The following MAPKBP1 variants were observed in gnomAD, a reference collection of about 807,000 sequenced individuals.
MAPKBP1 encodes mitogen-activated protein kinase binding protein 1.
A neutral mutation model predicts 170.5 loss-of-function variants in MAPKBP1; 71 were observed. The ratio of observed to expected loss-of-function variants is 0.42; its 90% CI spans 0.34 to 0.51. The LOEUF (loss-of-function observed/expected upper bound fraction) is 0.51, where lower values mean the gene tolerates loss of function less well. Ranked by LOEUF, MAPKBP1 falls within the 20% of genes least tolerant of loss-of-function variation. The probability of loss-of-function intolerance (pLI) is 0.06; values close to 1 mark genes in which losing one functional copy is unlikely to be tolerated. For synonymous variants in MAPKBP1, 719 were observed against 757.9 expected (o/e 0.95, Z 0.84); for missense variants, 1,598 against 1,933.0 (o/e 0.83, Z 3.25).
Position 41,821,018 on chromosome 15 carries a change from G to C in MAPKBP1, c.2668G>C (p.Gly890Arg). 1.2e-6 allele frequency: 2 copies of C among 1,614,168 alleles called. No individual in the cohort carries two copies. The highest frequency in any genetic ancestry group is 1.7e-6 in the Non-Finnish European group (2 of 1,180,022). The change falls in exon 23 of 31, where the codon GGT (glycine) becomes CGT (arginine). Residue 890 changes from glycine (G) to arginine (R), a missense_variant. Physicochemically the swap from Gly to Arg is moderately radical, Grantham distance 125 (BLOSUM62 -2). Coordinates refer to ENST00000457542, the MANE Select transcript of MAPKBP1 (RefSeq NM_014994.3). ...GGACTCGCTGGCCATCATCCCATCT[G>C]GTCCCAGGAAGCATGGGCAGGAGGC... ...SQDSLAIIPS[G>R]PRKHGQEALE...
intron 2 of MAPKBP1, among the ~76,000 whole-genome samples, chr15:41,785,895 T>G (rs1202730668): frequency 6.6e-6 from 1 of 152,244 alleles, no homozygotes; most frequent in Non-Finnish European, 1.5e-5. Flanking sequence ...TTCTGGCATC[T>G]TATTCTGTGC....
At chr15:41,780,576 A>C (rs560164041) in intron 2 of MAPKBP1, among the ~76,000 whole-genome samples, 55 of 152,232 alleles carry the variant, frequency 3.6e-4, no homozygotes, top group Non-Finnish European at 6.8e-4. Context: ...ATTATACTTC[A>C]TGTTCCCACT....
intron 3 of MAPKBP1, among the ~76,000 whole-genome samples, chr15:41,806,746 G>T (rs985461388): frequency 1.3e-5 from 2 of 152,214 alleles, no homozygotes; most frequent in African/African-American, 4.8e-5. Flanking sequence ...CCAGCACTGA[G>T]CAAGGGCTCA....
chr15:41,816,764 C>A, intron 13 of MAPKBP1, 114 bp downstream of exon 13: 1 of 1,453,566 alleles, frequency 6.9e-7, no homozygotes, highest in South Asian at 1.2e-5. Context: ...GGTGTCTTTG[C>A]TGGTTTAGAG....
At chr15:41,799,014 A>G (rs2925339) in intron 2 of MAPKBP1, among the ~76,000 whole-genome samples, 98,478 of 152,000 alleles carry the variant, frequency 0.65, 32,726 homozygotes, top group East Asian at 0.98. Flanking sequence ...ACTTGGCATC[A>G]TCTAGCAGAA....
intron 2 of MAPKBP1, among the ~76,000 whole-genome samples, 182 bp downstream of exon 2, chr15:41,775,571 G>A (rs929929196): frequency 2.0e-5 from 3 of 152,206 alleles, no homozygotes. Flanking sequence ...GCAGGGGTGG[G>A]CATGCTGAGA....
chr15:41,805,041 G>C (rs1487813541), intron 3 of MAPKBP1, among the ~76,000 whole-genome samples: 2 of 152,176 alleles, frequency 1.3e-5, no homozygotes, highest in Admixed American at 6.5e-5. Flanking sequence ...TCCTGTGCCT[G>C]TTGCTTTGGG....
Position 41,821,954 on chromosome 15 carries a change from A to T in MAPKBP1, c.2886-11A>T, listed in dbSNP as rs940402465. The stretch of plus-strand genomic sequence containing the variant: ...CACTGCCTTTTCTTCTCCCTGCTGG[A>T]ATCCTGACAGTGAGTTCCAAGTGCA... On this transcript the variant is annotated splice_polypyrimidine_tract_variant and intron_variant, in intron 24 of 30. Coordinates refer to ENST00000457542, the MANE Select transcript of MAPKBP1 (RefSeq NM_014994.3). 1 of 1,610,126 alleles carries T rather than the reference A, an allele frequency of 6.2e-7. No homozygotes were observed. Among genetic ancestry groups the T allele is most frequent in the African/African-American group, 1.3e-5 (1 of 74,940 alleles).
intron 3 of MAPKBP1, among the ~76,000 whole-genome samples, chr15:41,804,186 C>T (rs2064651317): frequency 6.6e-6 from 1 of 152,182 alleles, no homozygotes. Context: ...AAGCTGCCTA[C>T]CTGCCCTTTG....
intron 10 of MAPKBP1, 96 bp from the exon 11 acceptor site, chr15:41,815,163 C>T (rs567136734): frequency 1.4e-6 from 2 of 1,469,628 alleles, no homozygotes; most frequent in African/African-American, 1.4e-5. Flanking sequence ...GTCCTGGCCA[C>T]CATTCCCTTT....
In MAPKBP1 at chr15:41,819,639, G is replaced by A; in HGVS notation, c.2470G>A (p.Glu824Lys). The change falls in exon 22 of 31, where the codon GAG (glutamate) becomes AAG (lysine). Residue 824 changes from glutamate (E) to lysine (K), a missense_variant. Glu to Lys is a moderately conservative substitution (Grantham distance 56). Coordinates refer to ENST00000457542, the MANE Select transcript of MAPKBP1 (RefSeq NM_014994.3). ...PALPRSLSHW[E>K]MSRAQESVGF... ...TTTGCCCCGAAGCCTGTCCCACTGG[G>A]AGATGAGTCGGGTGAGTCGCCATTG... The A allele has an allele frequency of 6.2e-7, 1 of 1,610,482 alleles. No individual in the cohort carries two copies. The highest frequency in any genetic ancestry group is 8.5e-7 in the Non-Finnish European group (1 of 1,178,206).
chr15:41,794,162 G>A (rs1013222076), intron 2 of MAPKBP1, among the ~76,000 whole-genome samples: 7 of 152,150 alleles, frequency 4.6e-5, no homozygotes, highest in African/African-American at 1.2e-4. Flanking sequence ...AACCCTGGAG[G>A]CAGAGATTGC....
intron 3 of MAPKBP1, 136 bp from the exon 4 acceptor site, chr15:41,810,747 A>G (rs911517161): frequency 6.9e-5 from 44 of 636,766 alleles, no homozygotes; most frequent in African/African-American, 2.9e-4. Context: ...AAAGAAAAGG[A>G]AAAAAACAGT....
At chr15:41,799,721 C>G (rs377307268) in intron 2 of MAPKBP1, 102 bp from the exon 3 acceptor site, 2 of 825,412 alleles carry the variant, frequency 2.4e-6, no homozygotes, top group African/African-American at 1.7e-5. Flanking sequence ...ACATGGGTGT[C>G]TGGAAAGTAG....
At position 41,814,588 on chromosome 15, in the gene MAPKBP1, A is replaced by G. The variant is rs1235392323; in HGVS notation, c.1019A>G (p.Asp340Gly). The G allele has an allele frequency of 6.2e-7, 1 of 1,614,032 alleles. No homozygotes were observed. The highest frequency in any genetic ancestry group is 1.1e-5 in the South Asian group (1 of 91,080). ...FSGVANARYP[D>G]TIALTFDPTN... is the part of the protein sequence containing the mutation. ...GGAGTGGCGAATGCCAGGTATCCAG[A>G]CACCATTGCCTTGACCTTTGATCCT... Residue 340 changes from aspartate to glycine, a missense_variant, in exon 10 of 31, where the codon GAC (aspartate) becomes GGC (glycine). Coordinates refer to ENST00000457542, the MANE Select transcript of MAPKBP1 (RefSeq NM_014994.3).
At chr15:41,788,565 C>A (rs1346603197) in intron 2 of MAPKBP1, among the ~76,000 whole-genome samples, 1 of 152,136 alleles carries the variant, frequency 6.6e-6, no homozygotes, top group African/African-American at 2.4e-5. Flanking sequence ...GACATTTGAG[C>A]TGGTCCTCGA....
rs368791236 is a variant in MAPKBP1, at chr15:41,811,993, G to A, written c.364G>A (p.Ala122Thr). The A allele has an allele frequency of 4.3e-5, 70 of 1,613,992 alleles. No homozygotes were observed. The highest frequency in any genetic ancestry group is 3.5e-4 in the South Asian group (32 of 91,086). Residue 122 changes from alanine (A) to threonine (T), a missense_variant, in exon 6 of 31, where the codon GCA (alanine) becomes ACA (threonine). Ala to Thr is a moderately conservative substitution (Grantham distance 58, BLOSUM62 0). Coordinates refer to ENST00000457542, the MANE Select transcript of MAPKBP1 (RefSeq NM_014994.3). The part of the protein sequence containing the change: ...HMPAVRVWDV[A>T]EHSQVAELQE... ...GCCTGCCGTGCGGGTTTGGGACGTGGCAGAGCACAGCCAGGTGGCCGAGCT... is the reference window on the plus strand; with the variant it reads ...GCCTGCCGTGCGGGTTTGGGACGTGACAGAGCACAGCCAGGTGGCCGAGCT...
At chr15:41,803,413 CA>C (rs1166671811) in intron 3 of MAPKBP1, among the ~76,000 whole-genome samples, 217 of 11,274 alleles carry the variant, frequency 0.019, 9 homozygotes, top group African/African-American at 0.049. Context: ...GACTCCATCT[CA>C]AAAAAAAAAA....
chr15:41,812,106 C>A lies in MAPKBP1; in HGVS notation c.477C>A (p.Ile159=), dbSNP rs146502661. The stretch of plus-strand genomic sequence containing the variant: ...CTGTGGGCTACCAGCATGACATGAT[C>A]GTCAACGTGTGGGCCTGGAAGGTGA... ...IVSVGYQHDM[I]VNVWAWKKNI... is the part of the protein sequence containing the mutation. Residue 159 remains isoleucine, a synonymous_variant, in exon 6 of 31, where the codon ATC becomes ATA. Transcript: ENST00000457542. 6.2e-7 allele frequency: 1 copy of A among 1,614,070 alleles called. No individual in the cohort carries two copies. Among genetic ancestry groups the A allele is most frequent in the Non-Finnish European group, 8.5e-7 (1 of 1,180,016 alleles).
Sources: allele counts gnomAD v4.1 joint callset (sites outside exome capture counted in the v4.1 genomes callset), GRCh38; gene constraint gnomAD v4.1.1; transcripts MANE v1.5; gene names NCBI Gene and HGNC (gene_info 2026-07-23, HGNC 2026-07-21).